SMURF1: variants seen among roughly 807,000 people sequenced by gnomAD.
The protein encoded by SMURF1 is E3 ubiquitin-protein ligase SMURF1.
In SMURF1, 44 loss-of-function variants were observed where a neutral mutation model predicts 98.0. The ratio of observed to expected loss-of-function variants is 0.45; its 90% CI spans 0.35 to 0.58. The LOEUF (loss-of-function observed/expected upper bound fraction) is 0.58. SMURF1 is among the 20% of genes least tolerant of loss of function. The probability of loss-of-function intolerance (pLI) is 0.00; values close to 1 mark genes in which losing one functional copy is unlikely to be tolerated. For synonymous variants in SMURF1, 396 were observed against 374.9 expected (o/e 1.06, Z -0.65); for missense variants, 687 against 938.4 (o/e 0.73, Z 3.50).
intron 12 of SMURF1, among the ~76,000 whole-genome samples, chr7:99,040,920 C>T (rs568153629): frequency 2.2e-4 from 34 of 152,128 alleles, no homozygotes; most frequent in Non-Finnish European, 4.7e-4. Flanking sequence ...GCTGGACGCG[C>T]ACCCAGGAAG....
chr7:99,057,602 TTTG>T (rs779076998), intron 3 of SMURF1, 51 bp from the exon 4 acceptor site: 1 of 1,348,330 alleles, frequency 7.4e-7, no homozygotes, highest in Non-Finnish European at 9.4e-7. Context: ...TTTTTTTTGT[TTTG>T]TTTTTTTTTT....
intron 1 of SMURF1, among the ~76,000 whole-genome samples, chr7:99,125,057 TTTCATTCATTCATTCATTCATTCA>T (rs56017007): frequency 6.7e-6 from 1 of 149,666 alleles, no homozygotes; most frequent in Non-Finnish European, 1.5e-5. Flanking sequence ...CAATAAAAAT[TTTCATTCATTCATTCATTCATTCA>T]TTCATTCATT....
intron 15 of SMURF1, 135 bp downstream of exon 15, chr7:99,036,932 C>T: frequency 2.2e-6 from 3 of 1,333,564 alleles, no homozygotes; most frequent in Non-Finnish European, 3.1e-6. Context: ...CCAGCCCTGG[C>T]TCTAGTCTGG....
At chr7:99,032,600 CAG>C (rs1398170040) in intron 17 of SMURF1, among the ~76,000 whole-genome samples, 2 of 152,172 alleles carry the variant, frequency 1.3e-5, no homozygotes, top group African/African-American at 2.4e-5. Context: ...ACCCAGGAGG[CAG>C]AGGTTGCAGT....
intron 11 of SMURF1, among the ~76,000 whole-genome samples, chr7:99,045,346 T>C (rs991071342): frequency 6.6e-6 from 1 of 152,232 alleles, no homozygotes; most frequent in African/African-American, 2.4e-5. Context: ...GCAAATCCTC[T>C]ACAGAGGAGA....
chr7:99,038,660 G>A (rs1030503304), intron 13 of SMURF1, 135 bp from the exon 14 acceptor site: 34 of 970,362 alleles, frequency 3.5e-5, no homozygotes, highest in South Asian at 5.1e-5. Flanking sequence ...CAGAACCTGC[G>A]TGGGGGTGGC....
chr7:99,052,224 C>T lies in SMURF1; in HGVS notation c.702G>A (p.Pro234=), dbSNP rs896219309. ...PQNRPHGHQS[P]ELPEGYEQRT... is the part of the protein sequence containing the mutation. ...TCTCACCGTAGCCTTCGGGCAGTTC[C>T]GGGGACTGGTGGCCGTGTGGTCGGT... Residue 234 remains proline, a synonymous_variant, in exon 7 of 18, where the codon CCG becomes CCA. Transcript: ENST00000361368. 11 of 1,578,496 alleles carry T rather than the reference C, an allele frequency of 7.0e-6. No homozygotes were observed. Among genetic ancestry groups the T allele is most frequent in the East Asian group, 2.3e-5 (1 of 43,696 alleles).
rs746578800 is a variant in SMURF1 at position 99,052,238 on chromosome 7, C to T, written c.688G>A (p.Gly230Ser). 5.7e-6 allele frequency: 9 copies of T among 1,590,204 alleles called. No homozygotes were observed. Among genetic ancestry groups the T allele is most frequent in the East Asian group, 4.5e-5 (2 of 44,092 alleles). ...TCGGGCAGTTCCGGGGACTGGTGGC[C>T]GTGTGGTCGGTTCTGGGGCGTCTGT... ...SLQTPQNRPH[G>S]HQSPELPEGY... Residue 230 changes from glycine to serine, a missense_variant, in exon 7 of 18, where the codon GGC becomes AGC. Around this residue, in one of 2 missense-constraint regions of SMURF1, gnomAD observed 415 missense variants for 508.4 expected, o/e 0.82. Coordinates refer to ENST00000361368, the MANE Select transcript of SMURF1 (RefSeq NM_181349.3).
At chr7:99,059,121 C>T (rs59823851) in intron 3 of SMURF1, among the ~76,000 whole-genome samples, 17,275 of 150,956 alleles carry the variant, frequency 0.11, 1,033 homozygotes, top group East Asian at 0.21. Flanking sequence ...TAAAATAGGC[C>T]GGGCGCGGTG....
intron 1 of SMURF1, among the ~76,000 whole-genome samples, chr7:99,096,637 C>G (rs1796961611): frequency 6.6e-6 from 1 of 152,038 alleles, no homozygotes; most frequent in Non-Finnish European, 1.5e-5. Context: ...TGTGTTTGTA[C>G]CTAACAATAG....
At chr7:99,097,229 T>C (rs1037116640) in intron 1 of SMURF1, among the ~76,000 whole-genome samples, 3 of 152,190 alleles carry the variant, frequency 2.0e-5, no homozygotes, top group African/African-American at 4.8e-5. Flanking sequence ...GAATGAACCA[T>C]TGCAATCATA....
chr7:99,076,670 G>A (rs1179535913), intron 1 of SMURF1, among the ~76,000 whole-genome samples: 1 of 152,238 alleles, frequency 6.6e-6, no homozygotes. Context: ...GACAGTGAAA[G>A]CATGGACTTG....
intron 1 of SMURF1, among the ~76,000 whole-genome samples, chr7:99,073,003 G>A (rs1796362366): frequency 6.6e-6 from 1 of 152,220 alleles, no homozygotes; most frequent in Non-Finnish European, 1.5e-5. Flanking sequence ...GGCAAAGTTA[G>A]TGACGGAGAT....
At chr7:99,142,771 G>T (rs1414763635) in intron 1 of SMURF1, among the ~76,000 whole-genome samples, 2 of 151,164 alleles carry the variant, frequency 1.3e-5, no homozygotes, top group South Asian at 2.1e-4. Context: ...AGACCAGGAG[G>T]ATGAGGGGAG....
intron 11 of SMURF1, among the ~76,000 whole-genome samples, chr7:99,042,597 C>A (rs1041998554): frequency 2.0e-5 from 3 of 152,166 alleles, no homozygotes; most frequent in Non-Finnish European, 2.9e-5. Context: ...TTCTGAATTT[C>A]TTTAATGTTT....
rs150893399 is a variant in SMURF1, at chr7:99,033,027, C to T, written c.2096+10G>A. On this transcript the variant is annotated intron_variant, in intron 17 of 17. Coordinates refer to ENST00000361368, the MANE Select transcript of SMURF1 (RefSeq NM_181349.3). ...CCAGGACGCCGTGACTTCCTGGCCG[C>T]GGTGCTTACCAGGTATGGGCCTTCG... 3.8e-4 allele frequency: 614 copies of T among 1,598,592 alleles called. 2 individuals are homozygous for T. In the East Asian group the frequency reaches 8.4e-3, roughly 22 times the overall value.
intron 1 of SMURF1, among the ~76,000 whole-genome samples, chr7:99,093,613 CAA>C (rs60082842): frequency 7.0e-6 from 1 of 142,064 alleles, no homozygotes; most frequent in Non-Finnish European, 1.6e-5. Flanking sequence ...AATTTCCATG[CAA>C]AAAAAAAAAA....
intron 1 of SMURF1, among the ~76,000 whole-genome samples, chr7:99,109,094 A>G (rs4510778): frequency 0.95 from 144,157 of 152,220 alleles, 68,677 homozygotes; most frequent in East Asian, 1. Flanking sequence ...ACCCCTGTTG[A>G]CTGACTCCCT....
At chr7:99,031,522 C>CTT (rs1402491768) in intron 17 of SMURF1, 1 of 152,222 alleles carries the variant, frequency 6.6e-6, no homozygotes, top group South Asian at 2.1e-4. Flanking sequence ...GGCGGGCACT[C>CTT]TTTTTTCTGG....
Sources: gnomAD v4.1 joint callset for allele counts (sites outside exome capture counted in the v4.1 genomes callset) on GRCh38, gnomAD v4.1.1 for gene constraint, gnomAD v4.1.1 regional missense constraint, MANE v1.5 for transcripts, NCBI Gene and HGNC (gene_info 2026-07-23, HGNC 2026-07-21) for gene names.